Variants in CFAP144 observed in about 807,000 individuals in gnomAD.
CFAP144 encodes the protein cilia- and flagella-associated protein 144.
the CFAP144 span, among the ~76,000 whole-genome samples, chr1:43,147,537 C>T: frequency 1.3e-5 from 2 of 152,150 alleles, no homozygotes; most frequent in African/African-American, 4.8e-5. Flanking sequence ...TGGGCATCTG[C>T]TTTAAGGTGG....
the CFAP144 span, among the ~76,000 whole-genome samples, chr1:43,154,996 T>C: frequency 6.6e-6 from 1 of 152,274 alleles, no homozygotes; most frequent in African/African-American, 2.4e-5. Context: ...CAATCAGATA[T>C]CAAGGGTGAT....
At chr1:43,149,681 C>T in the CFAP144 span, among the ~76,000 whole-genome samples, 1 of 152,164 alleles carries the variant, frequency 6.6e-6, no homozygotes, top group Non-Finnish European at 1.5e-5. Context: ...ATGCTGCCTC[C>T]CAGCTCATGT....
the CFAP144 span, among the ~76,000 whole-genome samples, chr1:43,151,561 T>C: frequency 6.6e-6 from 1 of 151,840 alleles, no homozygotes; most frequent in African/African-American, 2.4e-5. Context: ...ACATTCCGAG[T>C]TCTATAGAAA....
At chr1:43,143,134 G>T in the CFAP144 span, among the ~76,000 whole-genome samples, 1 of 152,092 alleles carries the variant, frequency 6.6e-6, no homozygotes, top group Non-Finnish European at 1.5e-5. Context: ...ACATGTAGGA[G>T]CAAGAGATTT....
At chr1:43,143,539 A>T in the CFAP144 span, among the ~76,000 whole-genome samples, 2 of 152,364 alleles carry the variant, frequency 1.3e-5, no homozygotes, top group South Asian at 4.1e-4. Flanking sequence ...AGGAATGGTC[A>T]GCAGAGGGGG....
chr1:43,146,267 C>T, the CFAP144 span, among the ~76,000 whole-genome samples: 333 of 152,222 alleles, frequency 2.2e-3, 5 homozygotes, highest in Admixed American at 0.018. Flanking sequence ...TATATTCAAA[C>T]GTTGAATCAT....
the CFAP144 span, among the ~76,000 whole-genome samples, chr1:43,146,524 C>T: frequency 5.3e-5 from 8 of 152,156 alleles, no homozygotes; most frequent in African/African-American, 1.7e-4. Flanking sequence ...TATTTGACTA[C>T]GTTTAACTTT....
chr1:43,152,829 C>G, the CFAP144 span: 2 of 1,608,360 alleles, frequency 1.2e-6, no homozygotes, highest in Non-Finnish European at 8.5e-7. Context: ...GTCTCCCAGC[C>G]AGGTTTCTGA....
chr1:43,143,092 A>G, the CFAP144 span, among the ~76,000 whole-genome samples: 19 of 152,068 alleles, frequency 1.2e-4, no homozygotes, highest in African/African-American at 1.7e-4. Flanking sequence ...TAGTTTTTCA[A>G]TCCTCTCTCT....
At chr1:43,152,202 A>G in the CFAP144 span, among the ~76,000 whole-genome samples, 1 of 152,186 alleles carries the variant, frequency 6.6e-6, no homozygotes, top group Non-Finnish European at 1.5e-5. Flanking sequence ...TCGATAGGGC[A>G]GAACTATGGA....
chr1:43,153,521 A>G, the CFAP144 span, among the ~76,000 whole-genome samples: 1 of 152,082 alleles, frequency 6.6e-6, no homozygotes, highest in Non-Finnish European at 1.5e-5. Context: ...AGGCAGGAAA[A>G]TCACTTGAAC....
the CFAP144 span, chr1:43,150,701 G>C: frequency 6.9e-7 from 1 of 1,451,474 alleles, no homozygotes; most frequent in African/African-American, 1.4e-5. Context: ...GTGGACCTTA[G>C]AGAGGGCAGG....
chr1:43,153,400 A>G, the CFAP144 span, among the ~76,000 whole-genome samples: 1 of 152,146 alleles, frequency 6.6e-6, no homozygotes, highest in Admixed American at 6.5e-5. Flanking sequence ...ACCTGAGGTC[A>G]AGAGTTTGAG....
the CFAP144 span, among the ~76,000 whole-genome samples, chr1:43,153,242 C>T: frequency 6.6e-6 from 1 of 152,328 alleles, no homozygotes; most frequent in Admixed American, 6.5e-5. Flanking sequence ...CCTGAGTCAG[C>T]TCCATCAGCT....
chr1:43,153,966 A>G, the CFAP144 span, among the ~76,000 whole-genome samples: 1 of 149,670 alleles, frequency 6.7e-6, no homozygotes, highest in Non-Finnish European at 1.5e-5. Context: ...TGCCTTGCTT[A>G]GGAAAACCTT....
the CFAP144 span, among the ~76,000 whole-genome samples, chr1:43,150,419 G>A: frequency 1.8e-4 from 27 of 152,350 alleles, no homozygotes; most frequent in Admixed American, 8.5e-4. Context: ...TGTCTTGGCT[G>A]TAGTCAAAAC....
chr1:43,154,609 A>C, the CFAP144 span, among the ~76,000 whole-genome samples: 1 of 152,216 alleles, frequency 6.6e-6, no homozygotes, highest in Non-Finnish European at 1.5e-5. Flanking sequence ...ATAAATATGA[A>C]TAATGGGTCA....
chr1:43,152,589 G>GCTGT, the CFAP144 span, among the ~76,000 whole-genome samples: 2 of 152,206 alleles, frequency 1.3e-5, no homozygotes, highest in Non-Finnish European at 2.9e-5. Context: ...CAGGGACCAT[G>GCTGT]CTGTCACTCA....
chr1:43,150,693 G>A, the CFAP144 span: 1 of 1,381,626 alleles, frequency 7.2e-7, no homozygotes, highest in Non-Finnish European at 1.0e-6. Context: ...TGTTTAAGGT[G>A]GACCTTAGAG....
Sources: gnomAD v4.1 joint callset for allele counts (sites outside exome capture counted in the v4.1 genomes callset) on GRCh38, gnomAD v4.1.1 for gene constraint, MANE v1.5 for transcripts, NCBI Gene and HGNC (gene_info 2026-07-23, HGNC 2026-07-21) for gene names.